Variants in NRXN3 observed in about 807,000 individuals in gnomAD.
NRXN3 encodes the protein neurexin 3, also known as neurexin III.
A neutral mutation model predicts 137.6 loss-of-function variants in NRXN3; 32 were observed. The ratio of observed to expected loss-of-function variants is 0.23; its 90% CI spans 0.18 to 0.31. The LOEUF (loss-of-function observed/expected upper bound fraction) is 0.31. NRXN3 is among the 10% of genes least tolerant of loss of function. The pLI, the probability that NRXN3 is intolerant of heterozygous loss-of-function variation, is 1.00. For synonymous variants in NRXN3, 798 were observed against 784.5 expected, an observed-to-expected ratio of 1.02 and a Z score of -0.29; for missense variants, 1,574 against 2,062.5, an observed-to-expected ratio of 0.76 and a Z score of 4.59.
At chr14:79,438,883 G>A (rs961232503) in intron 15 of NRXN3, among the ~76,000 whole-genome samples, 1 of 152,220 alleles carries the variant, frequency 6.6e-6, no homozygotes, top group East Asian at 1.9e-4. Context: ...CTTATGCCCG[G>A]CTGATCACCC....
intron 6 of NRXN3, among the ~76,000 whole-genome samples, chr14:78,706,879 T>A (rs770341440): frequency 2.0e-5 from 3 of 152,220 alleles, no homozygotes; most frequent in Non-Finnish European, 2.9e-5. Context: ...CTCCTGGTGA[T>A]GAGAGATGGG....
chr14:78,287,636 C>A (rs1021261517), intron 3 of NRXN3, among the ~76,000 whole-genome samples: 4 of 152,218 alleles, frequency 2.6e-5, no homozygotes, highest in Non-Finnish European at 5.9e-5. Context: ...TCCAACAGCA[C>A]TGAACATTTG....
chr14:79,421,465 T>A (rs2153533518), intron 15 of NRXN3, among the ~76,000 whole-genome samples: 1 of 152,352 alleles, frequency 6.6e-6, no homozygotes, highest in East Asian at 1.9e-4. Context: ...ATTATGTAGA[T>A]ACCAGATGGC....
intron 10 of NRXN3, among the ~76,000 whole-genome samples, chr14:78,911,993 A>G (rs1184663566): frequency 6.6e-6 from 1 of 151,710 alleles, no homozygotes; most frequent in Non-Finnish European, 1.5e-5. Flanking sequence ...ATATGTATAC[A>G]TGTGCCATGT....
At chr14:78,266,102 T>A (rs1441946737) in intron 2 of NRXN3, among the ~76,000 whole-genome samples, 1 of 152,238 alleles carries the variant, frequency 6.6e-6, no homozygotes, top group East Asian at 1.9e-4. Flanking sequence ...CTCTGTTATC[T>A]CTGAAACAAT....
rs148334088 is a variant in NRXN3, at chr14:79,475,409, A to G, written c.3444+8007A>G. Among the ~76,000 whole-genome samples the G allele has an allele frequency of 4.4e-3, 663 of 152,204 alleles. 3 individuals are homozygous for G. Among genetic ancestry groups the G allele is most frequent in the Non-Finnish European group, 6.7e-3 (456 of 67,988 alleles). On this transcript the variant is annotated intron_variant, in intron 16 of 20. Coordinates refer to ENST00000335750, the MANE Select transcript of NRXN3 (RefSeq NM_001330195.2). Reference sequence around the variant, plus strand: ...TTCAGAATCCTCAATGCATACAAATAAGAATTTTGAAAAACTAAGATGAAG... The same window carrying G: ...TTCAGAATCCTCAATGCATACAAATGAGAATTTTGAAAAACTAAGATGAAG...
intron 3 of NRXN3, among the ~76,000 whole-genome samples, chr14:78,286,933 G>T (rs959598182): frequency 1.3e-5 from 2 of 152,170 alleles, no homozygotes; most frequent in Non-Finnish European, 2.9e-5. Context: ...AAGTTAACTT[G>T]CTCAGAAGTC....
Position 78,583,427 on chromosome 14 carries a change from CA to C in NRXN3, c.758-61683del, listed in dbSNP as rs150394098. On this transcript the variant is annotated intron_variant, in intron 4 of 20. Coordinates refer to ENST00000335750, the MANE Select transcript of NRXN3 (RefSeq NM_001330195.2). ...TATAATGAAAAAAACCTCAATCTAT[CA>C]AAAAAAAAACAAACCCCAAAAAGTA... Among the ~76,000 whole-genome samples the C allele has an allele frequency of 1.9e-3, 271 of 143,120 alleles. 1 individual carries two copies. Among genetic ancestry groups the C allele is most frequent in the African/African-American group, 3.8e-3 (147 of 39,140 alleles). The allele number at this position is 143,120 out of a possible 152,430, so 93.9% of individuals were successfully genotyped here.
chr14:79,783,740 G>A (rs552347689), intron 19 of NRXN3, among the ~76,000 whole-genome samples: 31 of 152,118 alleles, frequency 2.0e-4, no homozygotes, highest in East Asian at 3.9e-4. Context: ...TAGAATTTCC[G>A]TTGTCACACA....
intron 20 of NRXN3, among the ~76,000 whole-genome samples, chr14:79,816,391 A>G (rs984910481): frequency 6.6e-6 from 1 of 152,212 alleles, no homozygotes; most frequent in African/African-American, 2.4e-5. Context: ...TGTCTTAGAT[A>G]AAATGGAGTT....
At chr14:78,775,502 G>C (rs760822833) in intron 8 of NRXN3, among the ~76,000 whole-genome samples, 1 of 152,074 alleles carries the variant, frequency 6.6e-6, no homozygotes, top group African/African-American at 2.4e-5. Flanking sequence ...TATCATTACT[G>C]TTAGTATATT....
At chr14:79,780,221 G>A (rs1371518107) in intron 19 of NRXN3, among the ~76,000 whole-genome samples, 1 of 151,570 alleles carries the variant, frequency 6.6e-6, no homozygotes, top group Non-Finnish European at 1.5e-5. Flanking sequence ...TTGTGTCCTT[G>A]CTATTCATTT....
At chr14:78,830,603 G>A (rs1016017152) in intron 10 of NRXN3, among the ~76,000 whole-genome samples, 46 of 151,076 alleles carry the variant, frequency 3.0e-4, no homozygotes, top group African/African-American at 9.9e-4. Flanking sequence ...TTTTTTTCTT[G>A]GTGTTTCCTA....
chr14:78,497,601 TC>T (rs1332770340), intron 4 of NRXN3, among the ~76,000 whole-genome samples: 14 of 151,904 alleles, frequency 9.2e-5, no homozygotes, highest in African/African-American at 3.4e-4. Context: ...CATCCATCCA[TC>T]CATCCATCCA....
chr14:78,566,960 A>G (rs568610067), intron 4 of NRXN3, among the ~76,000 whole-genome samples: 1 of 152,272 alleles, frequency 6.6e-6, no homozygotes, highest in South Asian at 2.1e-4. Flanking sequence ...GATTGCTTGA[A>G]TCCTCAGAGT....
chr14:79,860,339 C>T (rs943972971), intron 20 of NRXN3, among the ~76,000 whole-genome samples: 1 of 152,152 alleles, frequency 6.6e-6, no homozygotes, highest in Non-Finnish European at 1.5e-5. Flanking sequence ...GCAATGCATA[C>T]AAATATTAGA....
chr14:78,762,701 C>T (rs2098696600), intron 8 of NRXN3, among the ~76,000 whole-genome samples: 3 of 151,974 alleles, frequency 2.0e-5, no homozygotes, highest in African/African-American at 2.4e-5. Context: ...TACTGTTTAC[C>T]CAAAAAGGAT....
At chr14:78,373,785 A>T (rs750772246) in intron 4 of NRXN3, among the ~76,000 whole-genome samples, 3 of 152,194 alleles carry the variant, frequency 2.0e-5, no homozygotes, top group Non-Finnish European at 4.4e-5. Flanking sequence ...TATTGAGATG[A>T]AATTGATAAG....
chr14:79,500,012 A>G (rs951052753), intron 16 of NRXN3, among the ~76,000 whole-genome samples: 2 of 149,782 alleles, frequency 1.3e-5, no homozygotes, highest in African/African-American at 4.9e-5. Flanking sequence ...AATAAAGTAA[A>G]TAAACTAATG....
Sources: gnomAD v4.1 joint callset for allele counts (sites outside exome capture counted in the v4.1 genomes callset) on GRCh38, gnomAD v4.1.1 for gene constraint, MANE v1.5 for transcripts, NCBI Gene and HGNC (gene_info 2026-07-23, HGNC 2026-07-21) for gene names.